Variants in TRAPPC9 observed in about 807,000 individuals in gnomAD.
TRAPPC9 encodes the protein IKK2 binding protein.
In TRAPPC9, 83 loss-of-function variants were observed where a neutral mutation model predicts 124.0. The observed-to-expected ratio is 0.67, with a 90% confidence interval of 0.56 to 0.80. The LOEUF (loss-of-function observed/expected upper bound fraction) is 0.80, where lower values mean the gene tolerates loss of function less well. TRAPPC9 is among the 30% of genes least tolerant of loss of function. The pLI is 0.00. For synonymous variants in TRAPPC9, 638 were observed against 617.5 expected, an observed-to-expected ratio of 1.03 and a Z score of -0.49; for missense variants, 1,302 against 1,508.3, an observed-to-expected ratio of 0.86 and a Z score of 2.27.
Position 140,033,670 on chromosome 8 carries a change from T to TG in TRAPPC9, c.2557-9592_2557-9591insC, listed in dbSNP as rs1563706715. Among the ~76,000 whole-genome samples the TG allele has an allele frequency of 9.1e-4, 71 of 78,240 alleles. 3 individuals carry two copies. Among genetic ancestry groups the TG allele is most frequent in the Non-Finnish European group, 1.4e-3 (63 of 43,952 alleles). The allele number at this position is 78,240 out of a possible 152,430, so 51.3% of individuals were successfully genotyped here. ...TCTTCATAATGTGGTTTTTTTTTTT[T>TG]TTTTTTTTTTTTTTTTTTTTTTTTT... On this transcript the variant is annotated intron_variant, in intron 17 of 22. Coordinates refer to ENST00000438773, the MANE Select transcript of TRAPPC9 (RefSeq NM_001160372.4).
intron 19 of TRAPPC9, among the ~76,000 whole-genome samples, chr8:139,974,289 A>G (rs1173053867): frequency 1.3e-5 from 2 of 152,230 alleles, no homozygotes; most frequent in African/African-American, 2.4e-5. Flanking sequence ...GAAAGCTAGT[A>G]GAATCTCAGA....
intron 15 of TRAPPC9, among the ~76,000 whole-genome samples, chr8:140,256,132 T>A (rs1409650072): frequency 1.3e-5 from 2 of 152,232 alleles, no homozygotes; most frequent in East Asian, 1.9e-4. Context: ...CGCTTTGGTA[T>A]TTCATGATGA....
At chr8:140,297,434 CATACACACATACAG>C (rs1259340864) in intron 11 of TRAPPC9, among the ~76,000 whole-genome samples, 1 of 152,198 alleles carries the variant, frequency 6.6e-6, no homozygotes, top group African/African-American at 2.4e-5. Context: ...CATACACACA[CATACACACATACAG>C]ATACACACAA....
chr8:139,987,611 C>A lies in TRAPPC9; in HGVS notation c.2810+1115G>T, dbSNP rs140837473. On this transcript the variant is annotated intron_variant, in intron 19 of 22. Transcript: ENST00000438773. The stretch of plus-strand genomic sequence containing the variant: ...AAACAAAATCTAGGATGTGGGTATG[C>A]CAGTTTCTAAGTGATTTTCTGTATG... 2.1e-3 allele frequency among the ~76,000 whole-genome samples: 321 copies of A among 152,024 alleles called. 2 individuals are homozygous for A. Among genetic ancestry groups the A allele is most frequent in the Non-Finnish European group, 3.3e-3 (221 of 67,964 alleles).
At chr8:139,779,597 C>T (rs755290790) in intron 21 of TRAPPC9, among the ~76,000 whole-genome samples, 9 of 152,088 alleles carry the variant, frequency 5.9e-5, no homozygotes, top group Non-Finnish European at 1.0e-4. Context: ...TAATAAGGTT[C>T]TTACAGTATA....
intron 16 of TRAPPC9, among the ~76,000 whole-genome samples, chr8:140,232,236 C>A (rs1199882708): frequency 6.6e-6 from 1 of 151,996 alleles, no homozygotes; most frequent in Non-Finnish European, 1.5e-5. Flanking sequence ...CTGCGCCTGA[C>A]CATAAATCAC....
intron 21 of TRAPPC9, among the ~76,000 whole-genome samples, chr8:139,801,148 C>T (rs1475352342): frequency 1.3e-5 from 2 of 152,206 alleles, no homozygotes; most frequent in Non-Finnish European, 2.9e-5. Context: ...AGCAGCTGTC[C>T]GTTGATAGGA....
intron 2 of TRAPPC9, among the ~76,000 whole-genome samples, chr8:140,439,963 G>A (rs1053156159): frequency 1.4e-4 from 21 of 152,116 alleles, no homozygotes; most frequent in African/African-American, 3.9e-4. Flanking sequence ...AAGATGTGAC[G>A]TTTCTAAGTA....
At chr8:140,091,163 A>G (rs1036083815) in intron 17 of TRAPPC9, among the ~76,000 whole-genome samples, 22 of 152,192 alleles carry the variant, frequency 1.4e-4, no homozygotes, top group African/African-American at 5.3e-4. Context: ...CTGAAGCCCC[A>G]CGACTCGGAG....
chr8:140,088,310 T>C (rs548737557), intron 17 of TRAPPC9, among the ~76,000 whole-genome samples: 126 of 152,310 alleles, frequency 8.3e-4, no homozygotes, highest in Non-Finnish European at 1.4e-3. Context: ...TGTTAACTGA[T>C]AGTTATGCAA....
chr8:139,973,748 T>G (rs1366742067), intron 19 of TRAPPC9, among the ~76,000 whole-genome samples: 1 of 152,042 alleles, frequency 6.6e-6, no homozygotes, highest in Non-Finnish European at 1.5e-5. Flanking sequence ...CTTCCCCACA[T>G]GCAGGACCCT....
chr8:140,157,926 C>A (rs568695179), intron 17 of TRAPPC9, among the ~76,000 whole-genome samples: 33 of 152,024 alleles, frequency 2.2e-4, no homozygotes, highest in Non-Finnish European at 3.5e-4. Context: ...TTATAACTTG[C>A]CTTTTATTTC....
intron 21 of TRAPPC9, among the ~76,000 whole-genome samples, chr8:139,870,997 A>G (rs1402701662): frequency 6.6e-6 from 1 of 152,124 alleles, no homozygotes; most frequent in Admixed American, 6.5e-5. Flanking sequence ...TCGCTCCCAC[A>G]CTTACTCGCT....
Position 140,446,746 on chromosome 8 carries a change from G to T in TRAPPC9, c.584+4044C>A, listed in dbSNP as rs138955651. ...ACTTTTTTATTTTTGGTACAGACAG[G>T]GTTTCACCATGTTGACCTCAGGTGA... On this transcript the variant is annotated intron_variant, in intron 2 of 22. Coordinates refer to ENST00000438773, the MANE Select transcript of TRAPPC9 (RefSeq NM_001160372.4). 5.3e-5 allele frequency among the ~76,000 whole-genome samples: 8 copies of T among 152,064 alleles called. No individual in the cohort carries two copies. In the East Asian group the frequency reaches 1.5e-3, roughly 29 times the overall value.
At chr8:139,780,221 G>A (rs776380830) in intron 21 of TRAPPC9, among the ~76,000 whole-genome samples, 17 of 152,262 alleles carry the variant, frequency 1.1e-4, no homozygotes, top group Non-Finnish European at 1.6e-4. Flanking sequence ...TGAAGGAGAA[G>A]AACAAAGTCA....
At chr8:140,074,522 ATGGCAGGGTGGGAAGGATACATG>A (rs1563740765) in intron 17 of TRAPPC9, among the ~76,000 whole-genome samples, 2 of 152,316 alleles carry the variant, frequency 1.3e-5, no homozygotes, top group African/African-American at 4.8e-5. Context: ...TGCACAGAAG[ATGGCAGGGTGGGAAGGATACATG>A]GGGTTCTTGG....
At chr8:140,290,206 C>CAGCGAGAT (rs2065607948) in intron 12 of TRAPPC9, among the ~76,000 whole-genome samples, 1 of 152,196 alleles carries the variant, frequency 6.6e-6, no homozygotes, top group Non-Finnish European at 1.5e-5. Flanking sequence ...CAAGAGCACT[C>CAGCGAGAT]AGCGAGATAC....
intron 18 of TRAPPC9, among the ~76,000 whole-genome samples, chr8:140,006,064 T>C (rs72685226): frequency 0.31 from 47,853 of 151,950 alleles, 9,070 homozygotes; most frequent in East Asian, 0.55. Flanking sequence ...AAGAAATAAA[T>C]TAGGAGGCTT....
intron 19 of TRAPPC9, among the ~76,000 whole-genome samples, chr8:139,917,149 C>T (rs1322682417): frequency 3.6e-5 from 5 of 137,478 alleles, no homozygotes; most frequent in African/African-American, 2.9e-5. Flanking sequence ...AAGAGAAATC[C>T]TTCTTCATTA....
Sources: allele counts gnomAD v4.1 joint callset (sites outside exome capture counted in the v4.1 genomes callset), GRCh38; gene constraint gnomAD v4.1.1; transcripts MANE v1.5; gene names NCBI Gene and HGNC (gene_info 2026-07-23, HGNC 2026-07-21).